Variants in DEK observed in about 807,000 individuals in gnomAD.
The protein encoded by DEK is DEK proto-oncogene.
Under a neutral mutation model 46.8 loss-of-function variants are expected in DEK, and 28 were observed. The observed-to-expected ratio is 0.60, with a 90% CI of 0.44 to 0.82. The LOEUF (loss-of-function observed/expected upper bound fraction) is 0.82. Among genes scored for constraint, DEK ranks in the 40% least tolerant of loss-of-function variants. DEK has a pLI of 0.00. For missense variants in DEK, 416 were observed against 430.6 expected, an observed-to-expected ratio of 0.97 and a Z score of 0.30; for synonymous variants, 160 against 144.5, an observed-to-expected ratio of 1.11 and a Z score of -0.77.
In DEK at chr6:18,224,743, G is replaced by A; in HGVS notation, c.*976C>T. The A allele has an allele frequency of 4.7e-6, 1 of 214,904 alleles. No homozygotes were observed. 13.3% of individuals were successfully genotyped at this position (214,904 alleles called of 1,614,324 possible). On this transcript the variant is annotated 3_prime_UTR_variant, in exon 11 of 11. Coordinates refer to ENST00000652689, the MANE Select transcript of DEK (RefSeq NM_003472.4). ...CTGGCTAGGTTTCCAGTAAATATCA[G>A]CATTTTATATGGGCAAAAGCAGTTA...
At chr6:18,260,551 T>C (rs1415633602) in intron 2 of DEK, among the ~76,000 whole-genome samples, 1 of 152,202 alleles carries the variant, frequency 6.6e-6, no homozygotes, top group Non-Finnish European at 1.5e-5. Flanking sequence ...CTAAGAGTCA[T>C]CTTTTACTAG....
At chr6:18,264,105 G>A (rs1049719830) in intron 1 of DEK, 109 bp from the exon 2 acceptor site, 50 of 1,033,486 alleles carry the variant, frequency 4.8e-5, no homozygotes, top group Non-Finnish European at 6.1e-5. Context: ...TGCCCTGAAA[G>A]TTGCCTCCTC....
chr6:18,239,780 TA>T (rs1305320036), intron 7 of DEK, among the ~76,000 whole-genome samples: 1 of 152,172 alleles, frequency 6.6e-6, no homozygotes, highest in Admixed American at 6.5e-5. Flanking sequence ...ATGACGAACT[TA>T]AACTAAGTTT....
In DEK at chr6:18,227,230, C is replaced by T. The variant is rs1430008371; in HGVS notation, c.1048-988G>A. On this transcript the variant is annotated intron_variant, in intron 9 of 10. Coordinates refer to ENST00000652689, the MANE Select transcript of DEK (RefSeq NM_003472.4). Reference sequence around the variant, plus strand: ...CTTTGCAGTTGAGACAAGAGGAAGGCATCTGTCTCCTGCCTGTCCCTGGGC... The same window carrying T: ...CTTTGCAGTTGAGACAAGAGGAAGGTATCTGTCTCCTGCCTGTCCCTGGGC... Among the ~76,000 whole-genome samples the T allele has an allele frequency of 2.0e-5, 3 of 152,096 alleles. No individual in the cohort carries two copies. In the East Asian group the frequency reaches 5.8e-4, roughly 29 times the overall value.
At chr6:18,263,754 C>G in intron 2 of DEK, 89 bp downstream of exon 2, 1 of 1,608,458 alleles carries the variant, frequency 6.2e-7, no homozygotes, top group Non-Finnish European at 8.5e-7. Flanking sequence ...CTCTAAACAC[C>G]AAAAGAGCAA....
intron 9 of DEK, among the ~76,000 whole-genome samples, chr6:18,230,398 T>C (rs906748796): frequency 1.3e-5 from 2 of 152,186 alleles, no homozygotes; most frequent in Admixed American, 6.5e-5. Flanking sequence ...TAAATGTAAA[T>C]GGGCTAAATG....
At chr6:18,243,065 C>A (rs1399069363) in intron 7 of DEK, among the ~76,000 whole-genome samples, 1 of 152,104 alleles carries the variant, frequency 6.6e-6, no homozygotes, top group African/African-American at 2.4e-5. Context: ...CAGGCATACA[C>A]TGGGGGTCTT....
At chr6:18,248,917 T>C (rs1791240369) in intron 7 of DEK, among the ~76,000 whole-genome samples, 1 of 152,192 alleles carries the variant, frequency 6.6e-6, no homozygotes, top group Non-Finnish European at 1.5e-5. Flanking sequence ...ACCCAATCTA[T>C]AGAGCAAGTT....
At chr6:18,259,851 G>C (rs1248891825) in intron 2 of DEK, among the ~76,000 whole-genome samples, 1 of 152,172 alleles carries the variant, frequency 6.6e-6, no homozygotes, top group East Asian at 1.9e-4. Context: ...AATACTTCAG[G>C]AGAAAGGGCT....
At chr6:18,258,488 T>G in intron 2 of DEK, 83 bp from the exon 3 acceptor site, 1 of 1,016,788 alleles carries the variant, frequency 9.8e-7, no homozygotes, top group Non-Finnish European at 1.5e-6. Flanking sequence ...TAGAACAAAG[T>G]CCCCAAAACC....
chr6:18,232,993 A>G (rs990782274), intron 9 of DEK, among the ~76,000 whole-genome samples: 1 of 152,236 alleles, frequency 6.6e-6, no homozygotes, highest in Non-Finnish European at 1.5e-5. Context: ...ACTGGTACCA[A>G]AACAGAGATA....
intron 7 of DEK, 42 bp from the exon 8 acceptor site, chr6:18,237,558 C>A: frequency 6.4e-7 from 1 of 1,568,458 alleles, no homozygotes; most frequent in South Asian, 1.2e-5. Flanking sequence ...TGATGAGATT[C>A]AATGCTATCC....
At chr6:18,235,825 G>T (rs575788484) in intron 9 of DEK, among the ~76,000 whole-genome samples, 1 of 152,322 alleles carries the variant, frequency 6.6e-6, no homozygotes, top group East Asian at 1.9e-4. Flanking sequence ...CTGAAATGTA[G>T]TAGAGAATCA....
At chr6:18,252,718 A>G (rs1791441446) in intron 6 of DEK, among the ~76,000 whole-genome samples, 1 of 152,178 alleles carries the variant, frequency 6.6e-6, no homozygotes, top group African/African-American at 2.4e-5. Context: ...AACTATTTTC[A>G]TAATAATAGC....
At chr6:18,252,462 T>C (rs1335066592) in intron 6 of DEK, among the ~76,000 whole-genome samples, 1 of 138,270 alleles carries the variant, frequency 7.2e-6, no homozygotes, top group Non-Finnish European at 1.5e-5. Context: ...TGAGCCATGA[T>C]TGTACCACAA....
At chr6:18,248,890 A>G (rs1791238654) in intron 7 of DEK, among the ~76,000 whole-genome samples, 1 of 152,158 alleles carries the variant, frequency 6.6e-6, no homozygotes, top group South Asian at 2.1e-4. Flanking sequence ...AAGTCCCTAA[A>G]TAAGGCAAGG....
At chr6:18,254,363 A>G (rs1791516831) in intron 6 of DEK, among the ~76,000 whole-genome samples, 1 of 152,166 alleles carries the variant, frequency 6.6e-6, no homozygotes, top group Admixed American at 6.5e-5. Flanking sequence ...TAACAACAAC[A>G]ACAACACAAA....
At chr6:18,259,630 G>A (rs539927004) in intron 2 of DEK, among the ~76,000 whole-genome samples, 19 of 152,070 alleles carry the variant, frequency 1.2e-4, no homozygotes, top group Admixed American at 7.2e-4. Flanking sequence ...TAAAAACTGC[G>A]TATCTTTTGA....
intron 8 of DEK, 190 bp downstream of exon 8, chr6:18,237,185 CTATATA>C (rs542416858): frequency 2.1e-6 from 1 of 482,646 alleles, no homozygotes; most frequent in African/African-American, 2.0e-5. Flanking sequence ...GTCTCTCTCT[CTATATA>C]TATATATTGC....
Sources: gnomAD v4.1 joint callset for allele counts (sites outside exome capture counted in the v4.1 genomes callset) on GRCh38, gnomAD v4.1.1 for gene constraint, MANE v1.5 for transcripts, NCBI Gene and HGNC (gene_info 2026-07-23, HGNC 2026-07-21) for gene names.